Variants in PCDH15 observed in about 807,000 individuals in gnomAD.
PCDH15 encodes protocadherin related 15.
Under a neutral mutation model 178.5 loss-of-function variants are expected in PCDH15, and 129 were observed. The ratio of observed to expected loss-of-function variants is 0.72; its 90% confidence interval spans 0.63 to 0.84. The LOEUF is 0.84. PCDH15 is among the 40% of genes least tolerant of loss of function. PCDH15 has a pLI of 0.00. For missense variants in PCDH15, 2,230 were observed against 2,099.9 expected, an observed-to-expected ratio of 1.06 and a Z score of -1.21; for synonymous variants, 800 against 732.0, an observed-to-expected ratio of 1.09 and a Z score of -1.50.
chr10:54,405,228 A>T (rs1479499448), intron 3 of PCDH15, among the ~76,000 whole-genome samples: 1 of 152,158 alleles, frequency 6.6e-6, no homozygotes, highest in African/African-American at 2.4e-5. Flanking sequence ...CACTATTCAC[A>T]GTAGCAAAGA....
At chr10:54,976,121 A>G (rs1004002019) in intron 2 of PCDH15, among the ~76,000 whole-genome samples, 1 of 152,202 alleles carries the variant, frequency 6.6e-6, no homozygotes, top group Non-Finnish European at 1.5e-5. Context: ...AGAAAATTTC[A>G]TCAGTTCACT....
At chr10:53,916,344 T>C (rs976784460) in intron 25 of PCDH15, among the ~76,000 whole-genome samples, 80 of 152,162 alleles carry the variant, frequency 5.3e-4, no homozygotes, top group African/African-American at 1.8e-3. Context: ...CATTTTAACA[T>C]TTTTTTCCTC....
At chr10:54,287,483 G>T (rs1476776527) in intron 8 of PCDH15, among the ~76,000 whole-genome samples, 1 of 151,950 alleles carries the variant, frequency 6.6e-6, no homozygotes, top group Non-Finnish European at 1.5e-5. Context: ...CTGTTACTTT[G>T]GTGGGCCAGG....
intron 2 of PCDH15, among the ~76,000 whole-genome samples, chr10:55,528,372 AC>A (rs1841355134): frequency 6.6e-6 from 1 of 150,884 alleles, no homozygotes; most frequent in Non-Finnish European, 1.5e-5. Flanking sequence ...GCTATCCCTC[AC>A]CCCTCTCCAC....
chr10:55,268,103 T>C (rs572470902), intron 1 of PCDH15, among the ~76,000 whole-genome samples: 1 of 152,344 alleles, frequency 6.6e-6, no homozygotes, highest in South Asian at 2.1e-4. Context: ...ACAAAAGTAA[T>C]AAAGTAATTA....
At chr10:55,407,884 C>A (rs149735279) in intron 2 of PCDH15, among the ~76,000 whole-genome samples, 1 of 152,124 alleles carries the variant, frequency 6.6e-6, no homozygotes, top group South Asian at 2.1e-4. Context: ...GGCCTTTTGA[C>A]CAAAGGCTAT....
chr10:54,543,994 C>G (rs554676555), intron 2 of PCDH15, among the ~76,000 whole-genome samples: 1 of 152,116 alleles, frequency 6.6e-6, no homozygotes, highest in East Asian at 1.9e-4. Context: ...TGTGTATGCT[C>G]CAAATTGTGA....
At chr10:54,010,058 C>T (rs2092524521) in intron 20 of PCDH15, among the ~76,000 whole-genome samples, 1 of 152,190 alleles carries the variant, frequency 6.6e-6, no homozygotes, top group African/African-American at 2.4e-5. Context: ...GGCCTACTGT[C>T]CATTCCAGCC....
At chr10:55,567,491 C>T (rs575127578) in intron 2 of PCDH15, among the ~76,000 whole-genome samples, 1 of 148,902 alleles carries the variant, frequency 6.7e-6, no homozygotes, top group Admixed American at 6.7e-5. Flanking sequence ...ATTATAACTA[C>T]AGTAAAAGGC....
chr10:55,191,013 GA>G (rs1440727045), intron 1 of PCDH15, among the ~76,000 whole-genome samples: 2 of 151,406 alleles, frequency 1.3e-5, no homozygotes, highest in Admixed American at 6.6e-5. Context: ...CCTTCTCCAG[GA>G]AAAAATATTT....
intron 5 of PCDH15, among the ~76,000 whole-genome samples, chr10:54,346,692 G>C (rs1943347693): frequency 6.6e-6 from 1 of 152,156 alleles, no homozygotes; most frequent in African/African-American, 2.4e-5. Flanking sequence ...TGTGATTCTT[G>C]CTATGGGCGA....
In PCDH15 at chr10:54,455,959, A is replaced by G. The variant is rs540648016; in HGVS notation, c.157+71853T>C. Reference sequence around the variant, plus strand: ...CATGGTATTGGGCCTGCAGGTACACAGAAGTCAAGAATAGAGCTTTGTGAA... The same window carrying G: ...CATGGTATTGGGCCTGCAGGTACACGGAAGTCAAGAATAGAGCTTTGTGAA... On this transcript the variant is annotated intron_variant, in intron 3 of 37. Coordinates refer to ENST00000644397, the MANE Select transcript of PCDH15 (RefSeq NM_001384140.1). Among the ~76,000 whole-genome samples, 11 of 152,314 alleles carry G rather than the reference A, an allele frequency of 7.2e-5. No homozygotes were observed. In the South Asian group the frequency reaches 2.3e-3, roughly 32 times the overall value.
At chr10:55,026,435 G>T (rs1301974690) in intron 2 of PCDH15, among the ~76,000 whole-genome samples, 1 of 151,894 alleles carries the variant, frequency 6.6e-6, no homozygotes, top group Non-Finnish European at 1.5e-5. Flanking sequence ...CTAAGAATTA[G>T]TGTTTTCCTA....
At chr10:54,263,240 A>T (rs1181894982) in intron 8 of PCDH15, among the ~76,000 whole-genome samples, 1 of 152,132 alleles carries the variant, frequency 6.6e-6, no homozygotes, top group Non-Finnish European at 1.5e-5. Flanking sequence ...TGTAATCCTC[A>T]GTGTGGACCA....
intron 2 of PCDH15, among the ~76,000 whole-genome samples, chr10:55,540,380 G>C (rs976959752): frequency 6.6e-6 from 1 of 151,978 alleles, no homozygotes; most frequent in South Asian, 2.1e-4. Context: ...TGGGCATGAG[G>C]CATACTGAGA....
intron 26 of PCDH15, among the ~76,000 whole-genome samples, chr10:53,874,302 TC>T (rs1316880710): frequency 6.6e-6 from 1 of 152,114 alleles, no homozygotes; most frequent in Non-Finnish European, 1.5e-5. Flanking sequence ...AATTTACTTT[TC>T]CCCCTGCTAC....
intron 8 of PCDH15, among the ~76,000 whole-genome samples, chr10:54,276,277 A>G (rs1300563567): frequency 1.3e-5 from 2 of 151,758 alleles, no homozygotes; most frequent in Non-Finnish European, 3.0e-5. Context: ...CAGAATAAAT[A>G]AGAAAGCAAT....
intron 1 of PCDH15, among the ~76,000 whole-genome samples, chr10:54,695,151 C>T (rs2095200853): frequency 6.6e-6 from 1 of 152,136 alleles, no homozygotes; most frequent in African/African-American, 2.4e-5. Flanking sequence ...ACCAACATGG[C>T]ACACGTATAC....
intron 23 of PCDH15, among the ~76,000 whole-genome samples, chr10:53,947,071 G>C (rs1034267406): frequency 6.6e-6 from 1 of 151,970 alleles, no homozygotes; most frequent in Non-Finnish European, 1.5e-5. Context: ...CACCGCACCT[G>C]GCCCATATAT....
Sources: allele counts gnomAD v4.1 joint callset (sites outside exome capture counted in the v4.1 genomes callset), GRCh38; gene constraint gnomAD v4.1.1; transcripts MANE v1.5; gene names NCBI Gene and HGNC (gene_info 2026-07-23, HGNC 2026-07-21).